The following ZBTB10 variants were observed in gnomAD, a reference collection of about 807,000 sequenced individuals.
ZBTB10 encodes the protein zinc finger and BTB domain containing 10.
A neutral mutation model predicts 76.4 loss-of-function variants in ZBTB10; 32 were observed. The observed-to-expected ratio is 0.42, with a 90% confidence interval of 0.32 to 0.56. The LOEUF (loss-of-function observed/expected upper bound fraction) is 0.56. ZBTB10 is among the 20% of genes least tolerant of loss of function. The pLI is 0.14. For synonymous variants in ZBTB10, 523 were observed against 432.9 expected, an observed-to-expected ratio of 1.21 and a Z score of -2.58; for missense variants, 1,057 against 1,098.5, an observed-to-expected ratio of 0.96 and a Z score of 0.53.
chr8:80,497,210 C>A (rs983294735), intron 1 of ZBTB10, among the ~76,000 whole-genome samples: 1 of 152,026 alleles, frequency 6.6e-6, no homozygotes, highest in Non-Finnish European at 1.5e-5. Context: ...AATTTCACAA[C>A]ATACTGGTTT....
At chr8:80,506,759 A>G (rs1270430080) in intron 2 of ZBTB10, among the ~76,000 whole-genome samples, 1 of 152,258 alleles carries the variant, frequency 6.6e-6, no homozygotes, top group African/African-American at 2.4e-5. Flanking sequence ...AAAATTCTGC[A>G]TTCTAAATCT....
rs1816413299 is a variant in ZBTB10, at chr8:80,519,780, AT to A, written c.*258del. 2.8e-6 allele frequency: 1 copy of A among 352,758 alleles called. No homozygotes were observed. The highest frequency in any genetic ancestry group is 6.5e-5 in the South Asian group (1 of 15,288). 21.9% of individuals were successfully genotyped at this position (352,758 alleles called of 1,614,324 possible). A position where few individuals can be genotyped will look rare whatever the true frequency, so the allele number is the denominator to read the frequency against. ...ACTCAGTCAGTTATCAAAGTAAAAT[AT>A]TTTTTATTTATAGGATATACAGTAA... On this transcript the variant is annotated 3_prime_UTR_variant, in exon 6 of 6. Coordinates refer to ENST00000455036, the MANE Select transcript of ZBTB10 (RefSeq NM_001105539.3).
chr8:80,498,677 G>A (rs1815847229), intron 1 of ZBTB10, among the ~76,000 whole-genome samples: 1 of 152,176 alleles, frequency 6.6e-6, no homozygotes. Context: ...CGCAGTTAAT[G>A]GCTGATACAG....
intron 3 of ZBTB10, among the ~76,000 whole-genome samples, chr8:80,515,841 A>G (rs1049496948): frequency 6.6e-6 from 1 of 152,194 alleles, no homozygotes; most frequent in African/African-American, 2.4e-5. Flanking sequence ...ACCATTTTGA[A>G]GAGATCTATA....
chr8:80,518,545 A>C lies in ZBTB10; in HGVS notation c.2103A>C (p.Pro701=). ...ASNDFKYGLL[P]ESWPKQETWE... is the part of the protein sequence containing the mutation. ...ATGATTTCAAGTATGGATTATTGCC[A>C]GAATCTTGGCCAAAACAAGAAACCT... Residue 701 remains proline, a synonymous_variant, in exon 4 of 6, where the codon CCA becomes CCC. Coordinates refer to ENST00000455036, the MANE Select transcript of ZBTB10 (RefSeq NM_001105539.3). 1 of 1,552,802 alleles carries C rather than the reference A, an allele frequency of 6.4e-7. No homozygotes were observed. Among genetic ancestry groups the C allele is most frequent in the Non-Finnish European group, 8.7e-7 (1 of 1,147,812 alleles).
intron 1 of ZBTB10, among the ~76,000 whole-genome samples, chr8:80,488,207 T>C (rs1447906420): frequency 1.3e-5 from 2 of 152,220 alleles, no homozygotes; most frequent in African/African-American, 4.8e-5. Context: ...GGCAACTCTT[T>C]GAAGAATGGA....
Position 80,521,329 on chromosome 8 carries a change from A to G in ZBTB10, c.*1801A>G, listed in dbSNP as rs988812174. The G allele has an allele frequency of 4.6e-5, 7 of 151,892 alleles. No homozygotes were observed. Among genetic ancestry groups the G allele is most frequent in the African/African-American group, 1.2e-4 (5 of 41,440 alleles). The allele number at this position is 151,892 out of a possible 1,614,324, so 9.4% of individuals were successfully genotyped here. On this transcript the variant is annotated 3_prime_UTR_variant, in exon 6 of 6. Transcript: ENST00000455036. Reference sequence around the variant, plus strand: ...GTTTAAAACAGATGAGTACTTCTTAATGTTCTAGACAAATGAGTAAAATGT... The same window carrying G: ...GTTTAAAACAGATGAGTACTTCTTAGTGTTCTAGACAAATGAGTAAAATGT...
In ZBTB10 at chr8:80,517,824, G is replaced by A. The variant is rs781631335; in HGVS notation, c.1961-579G>A. Among the ~76,000 whole-genome samples, 9 of 146,786 alleles carry A rather than the reference G, an allele frequency of 6.1e-5. 1 individual carries two copies. The highest frequency in any genetic ancestry group is 4.3e-4 in the South Asian group (2 of 4,648). Reference sequence around the variant, plus strand: ...CTTTAAAAGGGTAATTTCTTGTGGCGTCTGCACAATTAAATGATATTCATG... The same window carrying A: ...CTTTAAAAGGGTAATTTCTTGTGGCATCTGCACAATTAAATGATATTCATG... On this transcript the variant is annotated intron_variant, in intron 3 of 5. Coordinates refer to ENST00000455036, the MANE Select transcript of ZBTB10 (RefSeq NM_001105539.3).
At position 80,486,989 on chromosome 8, in the gene ZBTB10, G is replaced by C. The variant is rs1815483583; in HGVS notation, c.179G>C (p.Gly60Ala). 4 of 1,514,572 alleles carry C rather than the reference G, an allele frequency of 2.6e-6. No homozygotes were observed. In the African/African-American group the frequency reaches 4.3e-5, roughly 16 times the overall value. The allele number at this position is 1,514,572 out of a possible 1,614,324, so 93.8% of individuals were successfully genotyped here. A position where few individuals can be genotyped will look rare whatever the true frequency, so the allele number is the denominator to read the frequency against. The change falls in exon 1 of 6, where the codon GGG becomes GCG. Residue 60 changes from glycine to alanine, a missense_variant. This residue lies in a region of ZBTB10 where 556 missense variants were observed against 451.7 expected (regional missense o/e 1.23). Transcript: ENST00000455036. Reference sequence around the variant, plus strand: ...CCGCCCGCGCTTCAGCCGCCTAATGGGCGGGGGGCCGACGAGGAAGTGGAA... The same window carrying C: ...CCGCCCGCGCTTCAGCCGCCTAATGCGCGGGGGGCCGACGAGGAAGTGGAA... The part of the protein sequence containing the change: ...PAPPALQPPN[G>A]RGADEEVELE...
In ZBTB10 at chr8:80,493,206, C is replaced by CGCGT. The variant is rs1421938283; in HGVS notation, c.972+5426_972+5427insGTGC. 1.9e-5 allele frequency among the ~76,000 whole-genome samples: 2 copies of CGCGT among 108,092 alleles called. 1 individual carries two copies. The highest frequency in any genetic ancestry group is 7.7e-5 in the African/African-American group (2 of 25,942). The allele number at this position is 108,092 out of a possible 152,430, so 70.9% of individuals were successfully genotyped here. ...CTGTGCCTCAAAACGCGCGCGCGCG[C>CGCGT]GCACACACACACACACACACACACA... On this transcript the variant is annotated intron_variant, in intron 1 of 5. Coordinates refer to ENST00000455036, the MANE Select transcript of ZBTB10 (RefSeq NM_001105539.3).
intron 2 of ZBTB10, among the ~76,000 whole-genome samples, chr8:80,512,494 T>C (rs2131510295): frequency 1.3e-5 from 2 of 152,328 alleles, no homozygotes; most frequent in Middle Eastern, 6.8e-3. Context: ...GAGGATTGCT[T>C]GAGCCCAGGC....
In ZBTB10 at chr8:80,499,383, T is replaced by G. The variant is rs1341562159; in HGVS notation, c.973-111T>G. 13 of 1,194,238 alleles carry G rather than the reference T, an allele frequency of 1.1e-5. No homozygotes were observed. The East Asian group carries it at 2.8e-4, about 26-fold the overall frequency. 74.0% of individuals were successfully genotyped at this position (1,194,238 alleles called of 1,614,324 possible). A position where few individuals can be genotyped will look rare whatever the true frequency, so the allele number is the denominator to read the frequency against. On this transcript the variant is annotated intron_variant, in intron 1 of 5. Coordinates refer to ENST00000455036, the MANE Select transcript of ZBTB10 (RefSeq NM_001105539.3). ...ACTCCATTTCTTGATTACTCACAAATTAATATATTTGATTATCGCTTTTTA... is the reference window on the plus strand; with the variant it reads ...ACTCCATTTCTTGATTACTCACAAAGTAATATATTTGATTATCGCTTTTTA...
rs1167066682 is a variant in ZBTB10 at position 80,522,321 on chromosome 8, G to A, written c.*2793G>A. The A allele has an allele frequency of 1.3e-5, 2 of 151,772 alleles. No homozygotes were observed. The highest frequency in any genetic ancestry group is 6.6e-5 in the Admixed American group (1 of 15,212). The allele number at this position is 151,772 out of a possible 1,614,324, so 9.4% of individuals were successfully genotyped here. A position where few individuals can be genotyped will look rare whatever the true frequency, so the allele number is the denominator to read the frequency against. ...GGCAGAATTATGTTACACATTTGGC[G>A]AAGTTGTCTCTTGTAATTTATATTT... On this transcript the variant is annotated 3_prime_UTR_variant, in exon 6 of 6. Coordinates refer to ENST00000455036, the MANE Select transcript of ZBTB10 (RefSeq NM_001105539.3).
intron 5 of ZBTB10, 110 bp from the exon 6 acceptor site, chr8:80,519,113 A>G: frequency 7.1e-7 from 1 of 1,408,706 alleles, no homozygotes; most frequent in Non-Finnish European, 9.5e-7. Flanking sequence ...CTTTTTACAG[A>G]GAAACTGGTG....
intron 2 of ZBTB10, among the ~76,000 whole-genome samples, chr8:80,504,820 A>C (rs1038673368): frequency 1.1e-4 from 17 of 152,238 alleles, no homozygotes; most frequent in Admixed American, 1.0e-3. Context: ...TTTTAGCCAA[A>C]TAAAGTAGAT....
chr8:80,494,917 T>TCC, intron 1 of ZBTB10, among the ~76,000 whole-genome samples: 1 of 118,084 alleles, frequency 8.5e-6, no homozygotes. Flanking sequence ...AGAGTGACAC[T>TCC]GTCTCAAAAA....
At chr8:80,489,974 C>A (rs1216433849) in intron 1 of ZBTB10, among the ~76,000 whole-genome samples, 1 of 152,098 alleles carries the variant, frequency 6.6e-6, no homozygotes, top group Non-Finnish European at 1.5e-5. Context: ...ATATAAATAC[C>A]TGTTTGTCTT....
chr8:80,502,935 C>T (rs745648728), intron 2 of ZBTB10, among the ~76,000 whole-genome samples: 2 of 152,146 alleles, frequency 1.3e-5, no homozygotes, highest in African/African-American at 2.4e-5. Context: ...GGGAGCATTA[C>T]ATGCCGTAAA....
chr8:80,487,201 G>C lies in ZBTB10; in HGVS notation c.391G>C (p.Gly131Arg). The C allele has an allele frequency of 1.3e-6, 2 of 1,540,816 alleles. No homozygotes were observed. The highest frequency in any genetic ancestry group is 1.7e-6 in the Non-Finnish European group (2 of 1,145,624). The change falls in exon 1 of 6, where the codon GGG (glycine) becomes CGG (arginine). Residue 131 changes from glycine to arginine, a missense_variant. Coordinates refer to ENST00000455036, the MANE Select transcript of ZBTB10 (RefSeq NM_001105539.3). ...TCTGGCCTTCCGAGGCGGCGGCGGC[G>C]GGGGTCTCGGCAACAATGGCAGTAG... ...RTLAFRGGGG[G>R]GLGNNGSSRG...
Sources: allele counts gnomAD v4.1 joint callset (sites outside exome capture counted in the v4.1 genomes callset), GRCh38; gene constraint gnomAD v4.1.1; regional missense constraint gnomAD v4.1.1; transcripts MANE v1.5; gene names NCBI Gene and HGNC (gene_info 2026-07-23, HGNC 2026-07-21).